SNX19: variants seen among roughly 807,000 people sequenced by gnomAD.
The protein encoded by SNX19 is sorting nexin 19.
A neutral mutation model predicts 85.2 loss-of-function variants in SNX19; 60 were observed. That is an observed-to-expected ratio of 0.70 (90% CI 0.57 to 0.87). The LOEUF (loss-of-function observed/expected upper bound fraction) is 0.87, where lower values mean the gene tolerates loss of function less well. Among genes scored for constraint, SNX19 ranks in the 40% least tolerant of loss-of-function variants. The probability of loss-of-function intolerance (pLI) is 0.00; values close to 1 mark genes in which losing one functional copy is unlikely to be tolerated. For synonymous variants in SNX19, 520 were observed against 470.0 expected (o/e 1.11, Z -1.38); for missense variants, 1,201 against 1,217.8 (o/e 0.99, Z 0.21).
Position 130,915,910 on chromosome 11 carries a change from C to G in SNX19, c.30G>C (p.Gln10His), listed in dbSNP as rs1946555581. The G allele has an allele frequency of 6.2e-7, 1 of 1,613,996 alleles. No individual in the cohort carries two copies. Among genetic ancestry groups the G allele is most frequent in the East Asian group, 2.2e-5 (1 of 44,884 alleles). Residue 10 changes from glutamine to histidine, a missense_variant, in exon 1 of 11, where the codon CAG becomes CAC. Around this residue, in one of 3 missense-constraint regions of SNX19, gnomAD observed 791 missense variants for 750.9 expected, o/e 1.05. Transcript: ENST00000265909. MKTETVPPF[Q>H]ETPAGSSCHL... ...GACAGCTCGATCCAGCTGGAGTTTC[C>G]TGGAACGGTGGCACTGTTTCTGTCT...
intron 2 of SNX19, 93 bp downstream of exon 2, chr11:130,911,540 C>T: frequency 1.9e-6 from 3 of 1,573,888 alleles, no homozygotes; most frequent in Non-Finnish European, 2.6e-6. Context: ...AAACGGCATT[C>T]TCCTCCCCGA....
intron 10 of SNX19, among the ~76,000 whole-genome samples, chr11:130,879,169 GAC>G (rs755709723): frequency 5.9e-5 from 9 of 152,158 alleles, no homozygotes; most frequent in South Asian, 2.1e-4. Context: ...TCCTGGTCTT[GAC>G]ATGAATCACA....
intron 8 of SNX19, among the ~76,000 whole-genome samples, chr11:130,884,743 G>A (rs1241722998): frequency 2.0e-5 from 3 of 151,798 alleles, no homozygotes; most frequent in Middle Eastern, 6.8e-3. Context: ...GGTGGCGCAC[G>A]CCTGTAGTCT....
Position 130,879,606 on chromosome 11 carries a change from T to G in SNX19, c.2846+18A>C, listed in dbSNP as rs746603028. On this transcript the variant is annotated intron_variant, in intron 10 of 10. Transcript: ENST00000265909. ...GGCTGTAACTATGCTGATGTTGGAA[T>G]AACATTTTCCCACTTACCTGTTGAT... The G allele has an allele frequency of 3.1e-6, 5 of 1,609,802 alleles. No individual in the cohort carries two copies. In the African/African-American group the frequency reaches 6.7e-5, roughly 22 times the overall value.
intron 10 of SNX19, among the ~76,000 whole-genome samples, chr11:130,878,807 T>TA (rs1335218907): frequency 1.3e-5 from 2 of 152,218 alleles, no homozygotes; most frequent in Non-Finnish European, 2.9e-5. Flanking sequence ...TTTACATAGT[T>TA]ACATTAGCAC....
intron 7 of SNX19, among the ~76,000 whole-genome samples, chr11:130,905,418 T>C (rs183525849): frequency 2.0e-5 from 3 of 152,290 alleles, no homozygotes; most frequent in East Asian, 1.9e-4. Flanking sequence ...CAAGTGAAGA[T>C]ATACAATATT....
chr11:130,879,853 A>C, intron 9 of SNX19, 142 bp from the exon 10 acceptor site: 2 of 647,754 alleles, frequency 3.1e-6, no homozygotes, highest in South Asian at 1.9e-5. Flanking sequence ...CCAAACTAAA[A>C]TCCTCACAAA....
In SNX19 at chr11:130,874,028, T is replaced by G. The variant is rs930465029; in HGVS notation, c.*4394A>C. Among the ~76,000 whole-genome samples the G allele has an allele frequency of 3.4e-5, 4 of 116,430 alleles. No homozygotes were observed. The highest frequency in any genetic ancestry group is 8.9e-5 in the African/African-American group (3 of 33,796). 76.4% of individuals were successfully genotyped at this position (116,430 alleles called of 152,430 possible). A position where few individuals can be genotyped will look rare whatever the true frequency, so the allele number is the denominator to read the frequency against. On this transcript the variant is annotated 3_prime_UTR_variant, in exon 11 of 11. Coordinates refer to ENST00000265909, the MANE Select transcript of SNX19 (RefSeq NM_014758.3). ...CAATGAGTCATAAGAGGTTTTTTGT[T>G]TTTTTTTTTTTTATTTGGGGTCTCA...
chr11:130,892,244 C>A (rs1944552055), intron 8 of SNX19, among the ~76,000 whole-genome samples: 2 of 150,948 alleles, frequency 1.3e-5, no homozygotes, highest in Admixed American at 6.6e-5. Context: ...ATACTATAAT[C>A]CAGTTCTGAG....
Position 130,911,742 on chromosome 11 carries a change from G to A in SNX19, c.1704C>T (p.Ser568=). The change falls in exon 2 of 11, where the codon AGC becomes AGT. Residue 568 remains serine (S), a synonymous_variant. Transcript: ENST00000265909. ...KYETALDGEN[S]SGLQQLAYHT... ...GGTAGGCCAGCTGCTGCAGGCCGCT[G>A]CTGTTTTCACCGTCAAGGGCTGTCT... 1.2e-6 allele frequency: 2 copies of A among 1,614,082 alleles called. No individual in the cohort carries two copies. Among genetic ancestry groups the A allele is most frequent in the South Asian group, 2.2e-5 (2 of 91,084 alleles).
At chr11:130,912,914 T>C (rs965174321) in intron 1 of SNX19, among the ~76,000 whole-genome samples, 3 of 152,186 alleles carry the variant, frequency 2.0e-5, no homozygotes, top group African/African-American at 4.8e-5. Flanking sequence ...ATAATATTGA[T>C]ATACAATTTA....
At position 130,876,060 on chromosome 11, in the gene SNX19, T is replaced by C. The variant is rs1013242414; in HGVS notation, c.*2362A>G. 4 of 152,206 alleles carry C rather than the reference T, an allele frequency of 2.6e-5. No homozygotes were observed. The highest frequency in any genetic ancestry group is 5.9e-5 in the Non-Finnish European group (4 of 68,034). The allele number at this position is 152,206 out of a possible 1,614,324, so 9.4% of individuals were successfully genotyped here. ...CAGCATCCCTGCCTCGTCTTTTTTA[T>C]AGATAGTAAGAAAAGGGAAAGTAGT... On this transcript the variant is annotated 3_prime_UTR_variant, in exon 11 of 11. Transcript: ENST00000265909.
Position 130,874,693 on chromosome 11 carries a change from T to TAACA in SNX19, c.*3725_*3728dup, listed in dbSNP as rs1943154284. On this transcript the variant is annotated 3_prime_UTR_variant, in exon 11 of 11. Transcript: ENST00000265909. ...ACATATTTTTACTTCCTCCAGGACC[T>TAACA]AACAACTGGTGTTGTGTGCTATGAG... Among the ~76,000 whole-genome samples, 1 of 152,230 alleles carries TAACA rather than the reference T, an allele frequency of 6.6e-6. No individual in the cohort carries two copies. The highest frequency in any genetic ancestry group is 2.1e-4 in the South Asian group (1 of 4,836).
chr11:130,879,085 C>T (rs145619357), intron 10 of SNX19, among the ~76,000 whole-genome samples: 59 of 152,346 alleles, frequency 3.9e-4, no homozygotes, highest in Admixed American at 1.2e-3. Flanking sequence ...TAGGACTCTT[C>T]ACCCAGCATT....
rs759988525 is a variant in SNX19 at position 130,914,412 on chromosome 11, G to A, written c.1528C>T (p.Pro510Ser). 12 of 1,613,832 alleles carry A rather than the reference G, an allele frequency of 7.4e-6. No individual in the cohort carries two copies. In the South Asian group the frequency reaches 1.2e-4, roughly 16 times the overall value. The change falls in exon 1 of 11, where the codon CCT becomes TCT. Residue 510 changes from proline to serine, a missense_variant. Pro to Ser is a moderately conservative substitution (Grantham distance 74, BLOSUM62 -1). Transcript: ENST00000265909. ...AAGCTGAAGGTGGCTGAGCTGAGAG[G>A]ACCAGGTGGAGAGGAGGAAAGCAGA... ...PVLLSSSPPG[P>S]LSSATFSFEP...
intron 2 of SNX19, chr11:130,911,371 A>G (rs552132178): frequency 3.8e-6 from 4 of 1,057,794 alleles, no homozygotes; most frequent in Admixed American, 8.4e-5. Flanking sequence ...TTACAGGCAC[A>G]GGTGGAAATG....
intron 8 of SNX19, among the ~76,000 whole-genome samples, chr11:130,894,282 T>G (rs183682553): frequency 6.6e-6 from 1 of 152,288 alleles, no homozygotes; most frequent in East Asian, 1.9e-4. Flanking sequence ...TCTGAATGAA[T>G]CAGCTCCAGC....
chr11:130,889,463 C>T (rs546518651), intron 8 of SNX19, among the ~76,000 whole-genome samples: 93 of 152,150 alleles, frequency 6.1e-4, no homozygotes, highest in Non-Finnish European at 1.2e-3. Flanking sequence ...TCTCCTTTAG[C>T]ATTTAATAGT....
chr11:130,885,769 C>T (rs1592288915), intron 8 of SNX19, among the ~76,000 whole-genome samples: 1 of 151,876 alleles, frequency 6.6e-6, no homozygotes, highest in Non-Finnish European at 1.5e-5. Flanking sequence ...TATGCTCCAA[C>T]CTTAAGATAC....
Sources: gnomAD v4.1 joint callset for allele counts (sites outside exome capture counted in the v4.1 genomes callset) on GRCh38, gnomAD v4.1.1 for gene constraint, gnomAD v4.1.1 regional missense constraint, MANE v1.5 for transcripts, NCBI Gene and HGNC (gene_info 2026-07-23, HGNC 2026-07-21) for gene names.